SLC41A1: variants seen among roughly 807,000 people sequenced by gnomAD.
SLC41A1 encodes solute carrier family 41 (magnesium transporter), member 1.
In SLC41A1, 20 loss-of-function variants were observed where a neutral mutation model predicts 47.3. The observed-to-expected ratio is 0.42, with a 90% confidence interval of 0.30 to 0.61. The LOEUF is 0.61. SLC41A1 is among the 20% of genes least tolerant of loss of function. SLC41A1 has a pLI of 0.17. For missense variants in SLC41A1, 504 were observed against 674.1 expected, an observed-to-expected ratio of 0.75 and a Z score of 2.79; for synonymous variants, 282 against 272.7, an observed-to-expected ratio of 1.03 and a Z score of -0.34.
At chr1:205,792,600 C>T (rs889750589) in intron 10 of SLC41A1, among the ~76,000 whole-genome samples, 6 of 152,128 alleles carry the variant, frequency 3.9e-5, no homozygotes, top group East Asian at 3.8e-4. Flanking sequence ...AGTCAGAGTC[C>T]GCATTTAACA....
At chr1:205,794,794 C>G in intron 10 of SLC41A1, 76 bp downstream of exon 10, 1 of 1,593,528 alleles carries the variant, frequency 6.3e-7, no homozygotes, top group Non-Finnish European at 8.6e-7. Context: ...GTCTAAGAGG[C>G]CAAGTCTGGC....
chr1:205,803,925 T>TA (rs1199412614), intron 2 of SLC41A1, among the ~76,000 whole-genome samples: 1 of 151,660 alleles, frequency 6.6e-6, no homozygotes, highest in Non-Finnish European at 1.5e-5. Context: ...CCAGCCTAAG[T>TA]AGTCAAATTC....
At chr1:205,797,485 G>A (rs931061898) in intron 7 of SLC41A1, among the ~76,000 whole-genome samples, 1 of 152,244 alleles carries the variant, frequency 6.6e-6, no homozygotes, top group Non-Finnish European at 1.5e-5. Flanking sequence ...TGACTGGTTT[G>A]GAGATAATCA....
rs1655784763 is a variant in SLC41A1 at position 205,797,891 on chromosome 1, G to C, written c.992+13C>G. On this transcript the variant is annotated intron_variant, in intron 7 of 10. Coordinates refer to ENST00000367137, the MANE Select transcript of SLC41A1 (RefSeq NM_173854.6). ...GAGTGGGGTAGGAGTGGATACTCAG[G>C]GCCCCAGCCTACCTGCTGATGGCCA... The C allele has an allele frequency of 6.2e-7, 1 of 1,613,782 alleles. No homozygotes were observed. The highest frequency in any genetic ancestry group is 1.7e-5 in the Admixed American group (1 of 60,000).
chr1:205,808,889 A>G (rs1383561145), intron 2 of SLC41A1, among the ~76,000 whole-genome samples: 2 of 152,250 alleles, frequency 1.3e-5, no homozygotes, highest in African/African-American at 4.8e-5. Flanking sequence ...AACCCCCTTC[A>G]GTCTCCCAGG....
chr1:205,807,987 G>A (rs1308222530), intron 2 of SLC41A1, among the ~76,000 whole-genome samples: 2 of 148,678 alleles, frequency 1.3e-5, no homozygotes, highest in Middle Eastern at 3.5e-3. Flanking sequence ...TTGGAGTCTC[G>A]CTCTGTCACC....
chr1:205,803,745 G>A (rs760904368), intron 2 of SLC41A1, among the ~76,000 whole-genome samples: 7 of 150,908 alleles, frequency 4.6e-5, no homozygotes, highest in Non-Finnish European at 8.8e-5. Flanking sequence ...TCAGTCTCTC[G>A]GGTAGTTGGG....
intron 9 of SLC41A1, 122 bp from the exon 10 acceptor site, chr1:205,795,140 C>T (rs1655714650): frequency 2.1e-6 from 3 of 1,448,316 alleles, no homozygotes; most frequent in South Asian, 1.3e-5. Flanking sequence ...AATGTCTCTA[C>T]TTCTGCATCC....
chr1:205,805,029 G>A (rs768195457), intron 2 of SLC41A1, among the ~76,000 whole-genome samples: 10 of 152,102 alleles, frequency 6.6e-5, no homozygotes, highest in Non-Finnish European at 1.5e-5. Context: ...CCAGCACAAT[G>A]CACCCTCTCC....
Position 205,813,120 on chromosome 1 carries a change from G to A in SLC41A1, c.-959C>T, listed in dbSNP as rs1416052633. ...CGGGGGACCGGGGAGCCGAGCTCACGCGCCCCCAATCGCTTCTTGCCCGCG... is the reference window on the plus strand; with the variant it reads ...CGGGGGACCGGGGAGCCGAGCTCACACGCCCCCAATCGCTTCTTGCCCGCG... On this transcript the variant is annotated 5_prime_UTR_variant, in exon 1 of 11. Coordinates refer to ENST00000367137, the MANE Select transcript of SLC41A1 (RefSeq NM_173854.6). The A allele has an allele frequency of 2.0e-6, 2 of 985,454 alleles. No homozygotes were observed. The highest frequency in any genetic ancestry group is 4.7e-5 in the South Asian group (1 of 21,288). 61.0% of individuals were successfully genotyped at this position (985,454 alleles called of 1,614,324 possible).
At chr1:205,808,329 T>C (rs1656064316) in intron 2 of SLC41A1, among the ~76,000 whole-genome samples, 1 of 152,314 alleles carries the variant, frequency 6.6e-6, no homozygotes, top group Non-Finnish European at 1.5e-5. Context: ...GTGTGGGCTC[T>C]AGGGTCAGAT....
At chr1:205,794,554 TG>T (rs1425967148) in intron 10 of SLC41A1, among the ~76,000 whole-genome samples, 2 of 152,104 alleles carry the variant, frequency 1.3e-5, no homozygotes, top group Non-Finnish European at 2.9e-5. Flanking sequence ...CCAGTGGGGT[TG>T]GCATGCAAAC....
chr1:205,796,614 G>A (rs957983640), intron 8 of SLC41A1: 19 of 406,542 alleles, frequency 4.7e-5, no homozygotes, highest in African/African-American at 1.8e-4. Context: ...ACTTCTTTTC[G>A]TTATAAATTA....
chr1:205,790,932 C>T lies in SLC41A1; in HGVS notation c.*601G>A, dbSNP rs1655613177. ...ATGTGCACAAATTGAAAAGTCAGTCCACCTTACTCTTTCTGCGAGTGGGAA... is the reference window on the plus strand; with the variant it reads ...ATGTGCACAAATTGAAAAGTCAGTCTACCTTACTCTTTCTGCGAGTGGGAA... On this transcript the variant is annotated 3_prime_UTR_variant, in exon 11 of 11. Coordinates refer to ENST00000367137, the MANE Select transcript of SLC41A1 (RefSeq NM_173854.6). 1 of 159,132 alleles carries T rather than the reference C, an allele frequency of 6.3e-6. No individual in the cohort carries two copies. Among genetic ancestry groups the T allele is most frequent in the Admixed American group, 5.9e-5 (1 of 16,902 alleles). The allele number at this position is 159,132 out of a possible 1,614,324, so 9.9% of individuals were successfully genotyped here.
rs1476008128 is a variant in SLC41A1 at position 205,810,133 on chromosome 1, C to T, written c.309G>A (p.Leu103=). 6.2e-6 allele frequency: 10 copies of T among 1,614,096 alleles called. No individual in the cohort carries two copies. The highest frequency in any genetic ancestry group is 8.5e-6 in the Non-Finnish European group (10 of 1,180,034). ...CAAAGCCTGCCAGGAGGAATGGAAA[C>T]AGTACTTGCAGCCCGATGGAAAAGG... ...ETSFSIGLQV[L]FPFLLAGFGT... The change falls in exon 2 of 11, where the codon CTG becomes CTA. Residue 103 remains leucine (L), a synonymous_variant. Transcript: ENST00000367137. This position sits in a 1 kb window ranked among gnomAD's most constrained non-coding sequence, Gnocchi z 5.5.
In SLC41A1 at chr1:205,810,068, A is replaced by C; in HGVS notation, c.372+2T>G. Reference sequence around the variant, plus strand: ...TCAAGAGCTGCCCTACTCAGGTCCTACCTGCACGATGTCCAACACCATGCC... The same window carrying C: ...TCAAGAGCTGCCCTACTCAGGTCCTCCCTGCACGATGTCCAACACCATGCC... On this transcript the variant is annotated splice_donor_variant, in intron 2 of 10. Coordinates refer to ENST00000367137, the MANE Select transcript of SLC41A1 (RefSeq NM_173854.6). LOFTEE classifies it high-confidence loss of function. The surrounding 1 kb of genome is among the most constrained non-coding windows in gnomAD (Gnocchi z 5.5). 6.2e-7 allele frequency: 1 copy of C among 1,614,180 alleles called. No homozygotes were observed. Among genetic ancestry groups the C allele is most frequent in the Non-Finnish European group, 8.5e-7 (1 of 1,180,032 alleles).
At chr1:205,792,671 G>A (rs181159127) in intron 10 of SLC41A1, among the ~76,000 whole-genome samples, 1 of 152,164 alleles carries the variant, frequency 6.6e-6, no homozygotes, top group Non-Finnish European at 1.5e-5. Flanking sequence ...GGTGGGGCAG[G>A]CCTGAATCTC....
intron 3 of SLC41A1, 84 bp downstream of exon 3, chr1:205,800,869 G>A (rs1256831048): frequency 2.2e-5 from 28 of 1,289,992 alleles, no homozygotes; most frequent in Non-Finnish European, 3.0e-5. Flanking sequence ...CAGTGGAGAA[G>A]GGCTCGTAGC....
rs1656120253 is a variant in SLC41A1 at position 205,810,353 on chromosome 1, C to T, written c.89G>A (p.Arg30Lys). The stretch of plus-strand genomic sequence containing the variant: ...CTCTGAGGTCCCAGCCAAGGGCTCT[C>T]TCCCTGGGCCATCTGAAGAGCAGGG... ...ASPCSSDGPG[R>K]EPLAGTSEFL... The change falls in exon 2 of 11, where the codon AGA becomes AAA. Residue 30 changes from arginine to lysine, a missense_variant. By Grantham distance (26) the Arg-to-Lys change is conservative. Coordinates refer to ENST00000367137, the MANE Select transcript of SLC41A1 (RefSeq NM_173854.6). The surrounding 1 kb of genome is among the most constrained non-coding windows in gnomAD (Gnocchi z 5.5). The T allele has an allele frequency of 6.2e-7, 1 of 1,614,110 alleles. No individual in the cohort carries two copies. Among genetic ancestry groups the T allele is most frequent in the African/African-American group, 1.3e-5 (1 of 74,938 alleles).
Sources: gnomAD v4.1 joint callset for allele counts (sites outside exome capture counted in the v4.1 genomes callset) on GRCh38, gnomAD v4.1.1 for gene constraint, Gnocchi (gnomAD v3.1) non-coding constraint, MANE v1.5 for transcripts, NCBI Gene and HGNC (gene_info 2026-07-23, HGNC 2026-07-21) for gene names.